LOC400499: variants seen among roughly 807,000 people sequenced by gnomAD.
chr16:11,498,219 G>A, the LOC400499 span, among the ~76,000 whole-genome samples: 2 of 152,194 alleles, frequency 1.3e-5, no homozygotes, highest in African/African-American at 2.4e-5. Flanking sequence ...AGTGACTCAT[G>A]CCTGTAATCC....
the LOC400499 span, among the ~76,000 whole-genome samples, chr16:11,380,526 C>G: frequency 5.4e-5 from 8 of 149,442 alleles, no homozygotes; most frequent in African/African-American, 2.0e-4. Context: ...GACCCTGTCT[C>G]AAAAAAAAAT....
At chr16:11,519,549 C>T in the LOC400499 span, among the ~76,000 whole-genome samples, 1 of 152,026 alleles carries the variant, frequency 6.6e-6, no homozygotes, top group Non-Finnish European at 1.5e-5. Flanking sequence ...CCAGCCTGGC[C>T]AACATGGTGG....
chr16:11,438,930 A>G, the LOC400499 span, among the ~76,000 whole-genome samples: 2 of 152,146 alleles, frequency 1.3e-5, no homozygotes, highest in East Asian at 1.9e-4. Context: ...CCCCACCTCT[A>G]ATTTTTTTTA....
chr16:11,523,195 C>T, the LOC400499 span, among the ~76,000 whole-genome samples: 3 of 152,182 alleles, frequency 2.0e-5, no homozygotes, highest in African/African-American at 7.2e-5. Context: ...GCTGGGATGG[C>T]TTAAGGCATT....
the LOC400499 span, among the ~76,000 whole-genome samples, chr16:11,492,567 G>A: frequency 1.3e-5 from 2 of 151,976 alleles, no homozygotes; most frequent in Non-Finnish European, 2.9e-5. Flanking sequence ...GGAGGATCAT[G>A]AGGTCAGGAG....
At chr16:11,396,652 G>GTGC in the LOC400499 span, 1 of 1,231,728 alleles carries the variant, frequency 8.1e-7, no homozygotes, top group South Asian at 4.1e-5. Context: ...GGCCCAGGGT[G>GTGC]TGCTCCCCGA....
the LOC400499 span, chr16:11,417,625 G>A: frequency 2.5e-6 from 1 of 398,994 alleles, no homozygotes; most frequent in African/African-American, 2.1e-5. Context: ...TGCGCTGAGT[G>A]CCTTACCGTG....
chr16:11,398,610 G>C, the LOC400499 span: 45 of 938,864 alleles, frequency 4.8e-5, no homozygotes, highest in African/African-American at 3.4e-5. Context: ...CATGTGCCAG[G>C]AATGTGCCGT....
chr16:11,492,759 T>G, the LOC400499 span, among the ~76,000 whole-genome samples: 1 of 149,080 alleles, frequency 6.7e-6, no homozygotes, highest in African/African-American at 2.5e-5. Flanking sequence ...CACTCCAGCC[T>G]GGGTGACAGA....
At chr16:11,391,786 G>T in the LOC400499 span, 2 of 1,232,124 alleles carry the variant, frequency 1.6e-6, no homozygotes. Flanking sequence ...CCACTCGCCT[G>T]CATGGCCTCC....
the LOC400499 span, chr16:11,425,561 C>G: frequency 2.5e-6 from 1 of 397,696 alleles, no homozygotes; most frequent in Non-Finnish European, 4.4e-6. Context: ...TAACTCATGT[C>G]AGAAATGGCA....
chr16:11,457,125 A>T, the LOC400499 span: 17 of 1,321,162 alleles, frequency 1.3e-5, no homozygotes, highest in Non-Finnish European at 1.4e-5. Context: ...GGCAGCAGCG[A>T]GCCAAGATTG....
At chr16:11,448,158 C>G in the LOC400499 span, 1 of 1,437,828 alleles carries the variant, frequency 7.0e-7, no homozygotes. Flanking sequence ...AGAGGTAGCC[C>G]CCCACAACCT....
chr16:11,425,630 C>T, the LOC400499 span, among the ~76,000 whole-genome samples: 97 of 152,250 alleles, frequency 6.4e-4, 2 homozygotes, highest in South Asian at 6.0e-3. Context: ...GAAAATCAAG[C>T]GACCTAATTC....
chr16:11,440,584 G>A, the LOC400499 span: 33 of 397,282 alleles, frequency 8.3e-5, no homozygotes, highest in East Asian at 1.1e-3. Context: ...CACACACACT[G>A]CCAAAATAAG....
chr16:11,396,789 G>C, the LOC400499 span: 2 of 856,252 alleles, frequency 2.3e-6, no homozygotes, highest in Non-Finnish European at 3.1e-6. Context: ...CTCCACACCT[G>C]TCGCAGCTCA....
At chr16:11,382,904 G>T in the LOC400499 span, among the ~76,000 whole-genome samples, 4 of 151,754 alleles carry the variant, frequency 2.6e-5, no homozygotes, top group African/African-American at 2.4e-5. Context: ...CATTTACAGT[G>T]ATATAAAGGA....
At chr16:11,403,851 G>A in the LOC400499 span, among the ~76,000 whole-genome samples, 3 of 152,166 alleles carry the variant, frequency 2.0e-5, no homozygotes, top group Admixed American at 6.5e-5. Context: ...GCCCAGGGAT[G>A]CCACCTCTTC....
the LOC400499 span, among the ~76,000 whole-genome samples, chr16:11,382,620 AGTATTTTCCCTAAACAGTGGT>A: frequency 0.3 from 45,987 of 151,866 alleles, 7,630 homozygotes; most frequent in African/African-American, 0.42. Flanking sequence ...AACAGGGCTG[AGTATTTTCCCTAAACAGTGGT>A]GTACATTCAA....
Sources: gnomAD v4.1 joint callset for allele counts (sites outside exome capture counted in the v4.1 genomes callset) on GRCh38, gnomAD v4.1.1 for gene constraint, MANE v1.5 for transcripts.